The following MAGI2 variants were observed in gnomAD, a reference collection of about 807,000 sequenced individuals.
MAGI2 encodes the protein membrane-associated guanylate kinase, WW and PDZ domain-containing protein 2.
A neutral mutation model predicts 133.3 loss-of-function variants in MAGI2; 35 were observed. That is an observed-to-expected ratio of 0.26 (90% confidence interval 0.20 to 0.35). The LOEUF (loss-of-function observed/expected upper bound fraction) is 0.35, where lower values mean the gene tolerates loss of function less well. Among genes scored for constraint, MAGI2 ranks in the 10% least tolerant of loss-of-function variants. The pLI is 1.00. For missense variants in MAGI2, 1,636 were observed against 1,863.4 expected, an observed-to-expected ratio of 0.88 and a Z score of 2.25; for synonymous variants, 729 against 710.6, an observed-to-expected ratio of 1.03 and a Z score of -0.41.
intron 1 of MAGI2, among the ~76,000 whole-genome samples, chr7:79,184,676 G>A (rs1826914538): frequency 6.6e-6 from 1 of 151,650 alleles, no homozygotes. Flanking sequence ...AAAGTTCCTC[G>A]TAAAGCAGTT....
intron 16 of MAGI2, among the ~76,000 whole-genome samples, chr7:78,147,880 C>G (rs933879707): frequency 2.0e-5 from 3 of 151,802 alleles, no homozygotes; most frequent in African/African-American, 7.3e-5. Flanking sequence ...TACTATGCAC[C>G]TATTGGAATG....
chr7:78,058,003 A>ATATATATATATATATATATGTG, intron 21 of MAGI2, among the ~76,000 whole-genome samples: 1 of 117,026 alleles, frequency 8.5e-6, no homozygotes, highest in Non-Finnish European at 1.8e-5. Flanking sequence ...ATATATATAT[A>ATATATATATATATATATATGTG]TGTATGAGAA....
chr7:78,750,159 G>A (rs974396508), intron 2 of MAGI2, among the ~76,000 whole-genome samples: 1 of 152,112 alleles, frequency 6.6e-6, no homozygotes, highest in Non-Finnish European at 1.5e-5. Context: ...GTGTTAGTTT[G>A]CTGAGAATGA....
chr7:79,423,559 C>A (rs920501216), intron 1 of MAGI2, among the ~76,000 whole-genome samples: 1 of 151,670 alleles, frequency 6.6e-6, no homozygotes, highest in Non-Finnish European at 1.5e-5. Context: ...TGTGAGGAGA[C>A]GAGTCTTTCA....
At chr7:79,188,147 C>T (rs1013220747) in intron 1 of MAGI2, among the ~76,000 whole-genome samples, 3 of 151,674 alleles carry the variant, frequency 2.0e-5, no homozygotes, top group Non-Finnish European at 2.9e-5. Flanking sequence ...GGGGTACATA[C>T]GCAGGATGTG....
intron 2 of MAGI2, among the ~76,000 whole-genome samples, chr7:78,691,965 G>A (rs1817005641): frequency 6.6e-6 from 1 of 152,096 alleles, no homozygotes; most frequent in Admixed American, 6.6e-5. Flanking sequence ...ACTCCGGTGG[G>A]CATGTTAATA....
At chr7:79,162,378 C>G (rs981996651) in intron 1 of MAGI2, among the ~76,000 whole-genome samples, 1 of 151,994 alleles carries the variant, frequency 6.6e-6, no homozygotes, top group Non-Finnish European at 1.5e-5. Flanking sequence ...AGATGTGTTT[C>G]ACTACAAATG....
intron 2 of MAGI2, among the ~76,000 whole-genome samples, chr7:78,883,509 C>T (rs1796039532): frequency 6.6e-6 from 1 of 152,044 alleles, no homozygotes; most frequent in South Asian, 2.1e-4. Flanking sequence ...TACAAAACTA[C>T]ACAAAAACCA....
chr7:78,670,553 C>T (rs1814247051), intron 2 of MAGI2, among the ~76,000 whole-genome samples: 1 of 152,082 alleles, frequency 6.6e-6, no homozygotes, highest in Non-Finnish European at 1.5e-5. Context: ...ACTTTCTTCA[C>T]AGAATTGGAA....
chr7:79,037,599 A>T (rs868250318), intron 1 of MAGI2, among the ~76,000 whole-genome samples: 1 of 152,214 alleles, frequency 6.6e-6, no homozygotes, highest in Middle Eastern at 3.2e-3. Flanking sequence ...TATTAAAAAA[A>T]ATCACAGTAC....
At chr7:79,077,585 A>T (rs557786216) in intron 1 of MAGI2, among the ~76,000 whole-genome samples, 22 of 135,320 alleles carry the variant, frequency 1.6e-4, no homozygotes, top group African/African-American at 4.7e-4. Flanking sequence ...AAAAAAAAAA[A>T]AAAAAAAAAA....
At chr7:78,942,725 C>T (rs528974820) in intron 2 of MAGI2, among the ~76,000 whole-genome samples, 1 of 151,924 alleles carries the variant, frequency 6.6e-6, no homozygotes, top group Non-Finnish European at 1.5e-5. Context: ...TATATGTAAA[C>T]AGGAAAGTAC....
intron 2 of MAGI2, among the ~76,000 whole-genome samples, chr7:78,848,499 ATGT>A: frequency 6.6e-6 from 1 of 152,052 alleles, no homozygotes; most frequent in Admixed American, 6.6e-5. Flanking sequence ...AAATTAGATC[ATGT>A]TGTTCTCTGA....
At chr7:79,071,751 G>A (rs1039699011) in intron 1 of MAGI2, among the ~76,000 whole-genome samples, 3 of 151,802 alleles carry the variant, frequency 2.0e-5, no homozygotes, top group Admixed American at 6.6e-5. Context: ...TGGTGGCTTT[G>A]TTTACACTGT....
At chr7:78,185,806 T>G in intron 12 of MAGI2, 136 bp from the exon 13 acceptor site, 1 of 564,786 alleles carries the variant, frequency 1.8e-6, no homozygotes, top group Non-Finnish European at 3.1e-6. Context: ...TTTTTTCCTC[T>G]AAGATCCAAG....
intron 2 of MAGI2, among the ~76,000 whole-genome samples, chr7:78,999,154 T>TG (rs1443449019): frequency 6.6e-6 from 1 of 151,276 alleles, no homozygotes; most frequent in Non-Finnish European, 1.5e-5. Context: ...CTCCCTCCTA[T>TG]GAAAAAAAGG....
chr7:78,086,261 G>A (rs1217076007), intron 20 of MAGI2, among the ~76,000 whole-genome samples: 1 of 113,362 alleles, frequency 8.8e-6, no homozygotes, highest in Non-Finnish European at 1.8e-5. Flanking sequence ...TTTTTGAGAT[G>A]GAGTTTCACT....
intron 6 of MAGI2, among the ~76,000 whole-genome samples, chr7:78,427,835 A>G (rs1197622070): frequency 1.3e-5 from 2 of 152,126 alleles, no homozygotes; most frequent in Non-Finnish European, 2.9e-5. Flanking sequence ...ACAACTTTTG[A>G]TTAATGAGTA....
chr7:78,857,025 G>C (rs898989173), intron 2 of MAGI2, among the ~76,000 whole-genome samples: 1 of 152,164 alleles, frequency 6.6e-6, no homozygotes, highest in Non-Finnish European at 1.5e-5. Flanking sequence ...TTGTGAATGG[G>C]AGTTCACTCA....
Sources: allele counts gnomAD v4.1 joint callset (sites outside exome capture counted in the v4.1 genomes callset), GRCh38; gene constraint gnomAD v4.1.1; transcripts MANE v1.5; gene names NCBI Gene and HGNC (gene_info 2026-07-23, HGNC 2026-07-21).